Variants in RERE observed in about 807,000 individuals in gnomAD.
RERE encodes the protein arginine-glutamic acid dipeptide repeats protein.
In RERE, 40 loss-of-function variants were observed where a neutral mutation model predicts 146.1. That is an observed-to-expected ratio of 0.27 (90% CI 0.21 to 0.36). The LOEUF is 0.36. RERE is among the 10% of genes least tolerant of loss of function. The probability of loss-of-function intolerance (pLI) is 1.00; values close to 1 mark genes in which losing one functional copy is unlikely to be tolerated. For synonymous variants in RERE, 1,003 were observed against 866.0 expected (o/e 1.16, Z -2.78); for missense variants, 1,933 against 2,138.7 (o/e 0.90, Z 1.90).
intron 12 of RERE, 31 bp from the exon 13 acceptor site, chr1:8,366,005 G>C (rs1214741850): frequency 1.9e-6 from 3 of 1,606,718 alleles, no homozygotes; most frequent in Admixed American, 3.3e-5. Context: ...CTGTGGGGGA[G>C]GGCCTGGGGC....
At chr1:8,761,506 A>G (rs2124531451) in intron 1 of RERE, among the ~76,000 whole-genome samples, 1 of 152,242 alleles carries the variant, frequency 6.6e-6, no homozygotes, top group South Asian at 2.1e-4. Context: ...CCTATGCTTC[A>G]CACCTCCCCC....
chr1:8,412,099 C>T (rs1340651509), intron 12 of RERE, among the ~76,000 whole-genome samples: 1 of 152,188 alleles, frequency 6.6e-6, no homozygotes, highest in South Asian at 2.1e-4. Flanking sequence ...CCCAAAGGTG[C>T]TGGACAGATG....
chr1:8,792,779 C>A (rs1234694575), intron 1 of RERE, among the ~76,000 whole-genome samples: 3 of 152,158 alleles, frequency 2.0e-5, no homozygotes, highest in African/African-American at 7.2e-5. Flanking sequence ...ATGCTGGATT[C>A]TTTTTAACAG....
chr1:8,608,811 C>T (rs1483452286), intron 4 of RERE, among the ~76,000 whole-genome samples: 1 of 152,234 alleles, frequency 6.6e-6, no homozygotes, highest in African/African-American at 2.4e-5. Context: ...ATTGACTGGG[C>T]ACAGTGGCTC....
chr1:8,372,379 AT>A (rs1642071284), intron 12 of RERE, among the ~76,000 whole-genome samples: 1 of 152,068 alleles, frequency 6.6e-6, no homozygotes, highest in South Asian at 2.1e-4. Context: ...TTATATCATT[AT>A]TACCACATCA....
rs541028970 is a variant in RERE, at chr1:8,415,192, G to A, written c.1284+7535C>T. Among the ~76,000 whole-genome samples the A allele has an allele frequency of 1.3e-5, 2 of 152,232 alleles. 1 individual carries two copies. Among genetic ancestry groups the A allele is most frequent in the Admixed American group, 1.3e-4 (2 of 15,288 alleles). ...ATGATATAAAATATAAGCTCCAAGT[G>A]GATAAATCCATTGACTGTTAACCAC... On this transcript the variant is annotated intron_variant, in intron 12 of 22. Coordinates refer to ENST00000400908, the MANE Select transcript of RERE (RefSeq NM_001042681.2).
chr1:8,809,137 T>TAAAAAAAA (rs58263107), intron 1 of RERE, among the ~76,000 whole-genome samples: 1 of 95,062 alleles, frequency 1.1e-5, no homozygotes, highest in African/African-American at 4.6e-5. Context: ...GACTTTGTCT[T>TAAAAAAAA]AAAAAAAAAA....
chr1:8,682,927 A>G (rs1639002344), intron 1 of RERE, among the ~76,000 whole-genome samples: 1 of 147,124 alleles, frequency 6.8e-6, no homozygotes, highest in Non-Finnish European at 1.5e-5. Context: ...AAATACAACT[A>G]CTACTCAATG....
chr1:8,638,213 G>A (rs1647126220), intron 2 of RERE, among the ~76,000 whole-genome samples: 1 of 152,064 alleles, frequency 6.6e-6, no homozygotes, highest in Non-Finnish European at 1.5e-5. Context: ...ATTTACTAGA[G>A]GTCACTCCCT....
Position 8,423,714 on chromosome 1 carries a change from GCGGC to G in RERE, c.1204-911_1204-908del, listed in dbSNP as rs1643953484. ...GCCGCGGGTGGCTCGGCGTGTGACC[GCGGC>G]GGGGCCGCGCGGCGCGGGGCCCGGG... is the stretch of plus-strand genomic sequence containing the variant. On this transcript the variant is annotated intron_variant, in intron 11 of 22. Coordinates refer to ENST00000400908, the MANE Select transcript of RERE (RefSeq NM_001042681.2). This position sits in a 1 kb window ranked among gnomAD's most constrained non-coding sequence, Gnocchi z 5.4. The G allele has an allele frequency of 2.0e-6, 2 of 980,138 alleles. No homozygotes were observed. The highest frequency in any genetic ancestry group is 2.4e-6 in the Non-Finnish European group (2 of 827,604). 60.7% of individuals were successfully genotyped at this position (980,138 alleles called of 1,614,324 possible).
At position 8,360,295 on chromosome 1, in the gene RERE, G is replaced by T. The variant is rs1003391380; in HGVS notation, c.3212C>A (p.Ser1071Tyr). The stretch of plus-strand genomic sequence containing the variant: ...GCTGCCTCCTGAAGCCGCCGCACCA[G>T]AGCAGGGTGGCTGGGCCGAGGTGCC... ...GPGTSAQPPCSGAAASGGSIA... is the reference protein window; with the variant it reads ...GPGTSAQPPCYGAAASGGSIA... The change falls in exon 18 of 23, where the codon TCT (serine) becomes TAT (tyrosine). Residue 1071 changes from serine (S) to tyrosine (Y), a missense_variant. Physicochemically the swap from Ser to Tyr is moderately radical, Grantham distance 144. Around this residue, in one of 11 missense-constraint regions of RERE, gnomAD observed 1,255 missense variants for 1,153.8 expected, o/e 1.09. Transcript: ENST00000400908. The T allele has an allele frequency of 6.4e-7, 1 of 1,552,866 alleles. No homozygotes were observed. The highest frequency in any genetic ancestry group is 2.4e-5 in the East Asian group (1 of 41,968).
intron 1 of RERE, among the ~76,000 whole-genome samples, chr1:8,712,956 T>C (rs1313166486): frequency 1.3e-5 from 2 of 152,212 alleles, no homozygotes; most frequent in Non-Finnish European, 2.9e-5. Context: ...TCAGCTGCTA[T>C]GGAGGACTAT....
At chr1:8,593,951 G>A (rs141509835) in intron 4 of RERE, among the ~76,000 whole-genome samples, 14 of 152,170 alleles carry the variant, frequency 9.2e-5, no homozygotes, top group African/African-American at 2.2e-4. Context: ...CTACCAACCC[G>A]GGGCAGCACA....
intron 10 of RERE, among the ~76,000 whole-genome samples, chr1:8,477,859 G>C (rs1644775635): frequency 2.0e-5 from 3 of 151,714 alleles, no homozygotes; most frequent in Admixed American, 2.0e-4. Context: ...TGAAGTTATG[G>C]AACAACGAAG....
intron 7 of RERE, among the ~76,000 whole-genome samples, chr1:8,511,613 G>A (rs1645336307): frequency 6.6e-6 from 1 of 152,130 alleles, no homozygotes; most frequent in Non-Finnish European, 1.5e-5. Flanking sequence ...GCAGCTGACA[G>A]AAAAACTGTC....
At chr1:8,392,736 T>C (rs1003589782) in intron 12 of RERE, among the ~76,000 whole-genome samples, 2 of 152,194 alleles carry the variant, frequency 1.3e-5, no homozygotes, top group East Asian at 1.9e-4. Flanking sequence ...AAACATCTGC[T>C]GCAAGGTTGT....
chr1:8,611,779 T>C (rs557534847), intron 4 of RERE, among the ~76,000 whole-genome samples: 4 of 152,294 alleles, frequency 2.6e-5, no homozygotes, highest in Admixed American at 6.5e-5. Flanking sequence ...CCTTGAAAGG[T>C]TGCACCTTTC....
intron 12 of RERE, among the ~76,000 whole-genome samples, chr1:8,384,116 CA>C (rs1422215517): frequency 6.6e-6 from 1 of 152,160 alleles, no homozygotes; most frequent in Non-Finnish European, 1.5e-5. Flanking sequence ...GTTGTACAAT[CA>C]ACCGCCTCAC....
At chr1:8,363,833 T>A in intron 15 of RERE, 2 of 582,246 alleles carry the variant, frequency 3.4e-6, no homozygotes, top group Non-Finnish European at 6.1e-6. Flanking sequence ...AAGAGCTTGC[T>A]ACAAAACCCA....
Sources: allele counts gnomAD v4.1 joint callset (sites outside exome capture counted in the v4.1 genomes callset), GRCh38; gene constraint gnomAD v4.1.1; regional missense constraint gnomAD v4.1.1; non-coding constraint Gnocchi (gnomAD v3.1); transcripts MANE v1.5; gene names NCBI Gene and HGNC (gene_info 2026-07-23, HGNC 2026-07-21).